SHLD2: variants seen among roughly 807,000 people sequenced by gnomAD.
SHLD2 encodes the protein shieldin complex subunit 2.
Under a neutral mutation model 73.2 loss-of-function variants are expected in SHLD2, and 30 were observed. The ratio of observed to expected loss-of-function variants is 0.41; its 90% confidence interval spans 0.31 to 0.56. SHLD2 has a LOEUF of 0.56. SHLD2 is among the 20% of genes least tolerant of loss of function. The pLI is 0.28. For missense variants in SHLD2, 745 were observed against 1,055.9 expected (o/e 0.71, Z 4.08); for synonymous variants, 285 against 370.1 (o/e 0.77, Z 2.64).
chr10:87,175,452 G>A (rs1019592429), intron 6 of SHLD2, among the ~76,000 whole-genome samples: 26 of 151,818 alleles, frequency 1.7e-4, no homozygotes, highest in Admixed American at 8.5e-4. Flanking sequence ...GTGGGAGGCC[G>A]AGGTGGGCGG....
At chr10:87,110,467 A>G (rs1243307747) in intron 2 of SHLD2, among the ~76,000 whole-genome samples, 2 of 151,910 alleles carry the variant, frequency 1.3e-5, no homozygotes, top group African/African-American at 4.8e-5. Context: ...ATTAGCCGGA[A>G]GTGGTGGCGG....
intron 2 of SHLD2, among the ~76,000 whole-genome samples, chr10:87,124,925 G>A (rs1165015284): frequency 1.3e-5 from 2 of 151,706 alleles, no homozygotes; most frequent in Non-Finnish European, 2.9e-5. Flanking sequence ...TTTATTTTTT[G>A]TAGAGACAGG....
intron 2 of SHLD2, among the ~76,000 whole-genome samples, chr10:87,132,895 TACCAG>T (rs1297670864): frequency 6.6e-6 from 1 of 152,252 alleles, no homozygotes; most frequent in Non-Finnish European, 1.5e-5. Context: ...TTTTATTGGG[TACCAG>T]ATGTGTTCTA....
At position 87,135,549 on chromosome 10, in the gene SHLD2, G is replaced by C. The variant is rs1345876626; in HGVS notation, c.-5-15801G>C. ...ACTCTGTCACCCAGGCTGGAGTGCA[G>C]TGGTATGATGACAGCTCACTGCAGC... On this transcript the variant is annotated intron_variant, in intron 2 of 9. Transcript: ENST00000298786. Among the ~76,000 whole-genome samples the C allele has an allele frequency of 2.0e-5, 3 of 152,002 alleles. No homozygotes were observed. In the East Asian group the frequency reaches 5.8e-4, roughly 29 times the overall value.
At chr10:87,132,645 G>A (rs546254948) in intron 2 of SHLD2, among the ~76,000 whole-genome samples, 8 of 152,082 alleles carry the variant, frequency 5.3e-5, no homozygotes, top group Admixed American at 2.6e-4. Context: ...TTGGTGGTGC[G>A]TGCCTGTACT....
intron 2 of SHLD2, among the ~76,000 whole-genome samples, chr10:87,150,249 G>C (rs1403182241): frequency 6.6e-6 from 1 of 151,400 alleles, no homozygotes; most frequent in Non-Finnish European, 1.5e-5. Flanking sequence ...ATTTTTAGTA[G>C]AGATGGGGTT....
chr10:87,131,226 C>T (rs1844406589), intron 2 of SHLD2, among the ~76,000 whole-genome samples: 1 of 151,176 alleles, frequency 6.6e-6, no homozygotes, highest in South Asian at 2.1e-4. Flanking sequence ...GTAAAATATA[C>T]ATAAAATTTA....
At chr10:87,097,756 GGTTTT>G (rs1250337606) in intron 2 of SHLD2, among the ~76,000 whole-genome samples, 1 of 151,904 alleles carries the variant, frequency 6.6e-6, no homozygotes, top group African/African-American at 2.4e-5. Flanking sequence ...AAATCATCAT[GGTTTT>G]GTTTTGTTTT....
chr10:87,182,772 T>C (rs1848392512), intron 8 of SHLD2, among the ~76,000 whole-genome samples: 2 of 151,700 alleles, frequency 1.3e-5, no homozygotes, highest in Admixed American at 1.3e-4. Flanking sequence ...ATCTGAAGGC[T>C]TGACTGGGGC....
chr10:87,116,986 T>C (rs1483528078), intron 2 of SHLD2, among the ~76,000 whole-genome samples: 1 of 152,156 alleles, frequency 6.6e-6, no homozygotes, highest in Non-Finnish European at 1.5e-5. Flanking sequence ...TGTTCAAGAC[T>C]GGATAGTGGA....
chr10:87,151,024 G>A (rs1475869883), intron 2 of SHLD2, among the ~76,000 whole-genome samples: 3 of 151,918 alleles, frequency 2.0e-5, no homozygotes, highest in Non-Finnish European at 4.4e-5. Context: ...GGCGTTTCAC[G>A]CTGTTAGGCA....
intron 4 of SHLD2, among the ~76,000 whole-genome samples, chr10:87,159,086 A>G (rs929723933): frequency 2.6e-5 from 4 of 152,196 alleles, no homozygotes; most frequent in African/African-American, 9.6e-5. Flanking sequence ...CATACAAGAA[A>G]ATAGCTAGAG....
At chr10:87,094,497 G>A (rs770138011), upstream of SHLD2, 4 of 1,613,322 alleles carry the variant, frequency 2.5e-6, no homozygotes, top group African/African-American at 5.3e-5. This position sits in a 1 kb window ranked among gnomAD's most constrained non-coding sequence, Gnocchi z 6.6. Context: ...CGCTCTCCCG[G>A]GTCCTCAGGT....
intron 6 of SHLD2, among the ~76,000 whole-genome samples, chr10:87,175,406 C>G (rs1245372010): frequency 2.0e-5 from 3 of 150,870 alleles, no homozygotes; most frequent in Admixed American, 6.6e-5. Context: ...TCTCTGGTGG[C>G]CCGGCACGGA....
chr10:87,123,253 C>T (rs1377278143), intron 2 of SHLD2, among the ~76,000 whole-genome samples: 1 of 152,124 alleles, frequency 6.6e-6, no homozygotes, highest in Non-Finnish European at 1.5e-5. Flanking sequence ...AGGTGACTTT[C>T]TTCAATGAGA....
chr10:87,163,310 C>T (rs1846955022), intron 4 of SHLD2, among the ~76,000 whole-genome samples: 1 of 151,740 alleles, frequency 6.6e-6, no homozygotes, highest in Non-Finnish European at 1.5e-5. Flanking sequence ...AAGGATAAAC[C>T]AGAAACTAAA....
chr10:87,152,024 T>G lies in SHLD2; in HGVS notation c.670T>G (p.Ser224Ala). The part of the protein sequence containing the change: ...FSSNAVDKSR[S>A]EAAVRKVSDL... ...CTCGAACGCAGTAGATAAGTCAAGG[T>G]CTGAAGCAGCAGTTAGGAAGGTCTC... Residue 224 changes from serine to alanine, a missense_variant, in exon 3 of 10, where the codon TCT (serine) becomes GCT (alanine). Around this residue, in one of 5 missense-constraint regions of SHLD2, gnomAD observed 280 missense variants for 353.9 expected, o/e 0.79. Coordinates refer to ENST00000298786, the MANE Select transcript of SHLD2 (RefSeq NM_001330112.2). The G allele has an allele frequency of 6.2e-7, 1 of 1,611,862 alleles. No individual in the cohort carries two copies. Among genetic ancestry groups the G allele is most frequent in the Non-Finnish European group, 8.5e-7 (1 of 1,179,786 alleles).
chr10:87,119,861 A>G (rs1449018035), intron 2 of SHLD2, among the ~76,000 whole-genome samples: 1 of 152,006 alleles, frequency 6.6e-6, no homozygotes, highest in Non-Finnish European at 1.5e-5. Flanking sequence ...TGGTTTTCAT[A>G]GCAATCAACT....
At chr10:87,110,847 ATTTT>A (rs909093567) in intron 2 of SHLD2, among the ~76,000 whole-genome samples, 2 of 146,502 alleles carry the variant, frequency 1.4e-5, no homozygotes, top group Non-Finnish European at 3.0e-5. Flanking sequence ...ATTAAAATTA[ATTTT>A]TTTTTTTTGG....
Sources: allele counts gnomAD v4.1 joint callset (sites outside exome capture counted in the v4.1 genomes callset), GRCh38; gene constraint gnomAD v4.1.1; regional missense constraint gnomAD v4.1.1; non-coding constraint Gnocchi (gnomAD v3.1); transcripts MANE v1.5; gene names NCBI Gene and HGNC (gene_info 2026-07-23, HGNC 2026-07-21).